SUCLG2: variants seen among roughly 807,000 people sequenced by gnomAD.
SUCLG2 encodes the protein succinate-CoA ligase GDP-forming subunit beta.
SUCLG2 carries 42 observed loss-of-function variants against 47.9 expected under a neutral mutation model. The observed-to-expected ratio is 0.88, with a 90% CI of 0.69 to 1.14. The LOEUF (loss-of-function observed/expected upper bound fraction) is 1.14, where lower values mean the gene tolerates loss of function less well. Ranked by LOEUF, SUCLG2 falls within the 50% of genes most tolerant of loss-of-function variation. SUCLG2 has a pLI of 0.00. For missense variants in SUCLG2, 571 were observed against 525.9 expected (o/e 1.09, Z -0.84); for synonymous variants, 195 against 197.3 (o/e 0.99, Z 0.10).
At chr3:67,432,899 A>G (rs971383452) in intron 9 of SUCLG2, among the ~76,000 whole-genome samples, 1 of 152,242 alleles carries the variant, frequency 6.6e-6, no homozygotes, top group Non-Finnish European at 1.5e-5. Flanking sequence ...CACCACAGTC[A>G]GAATTTTAAA....
intron 9 of SUCLG2, among the ~76,000 whole-genome samples, chr3:67,492,236 T>C (rs1559545932): frequency 6.6e-6 from 1 of 152,098 alleles, no homozygotes; most frequent in Non-Finnish European, 1.5e-5. Context: ...GCCAACAGAG[T>C]TGGGGTCATG....
Position 67,560,293 on chromosome 3 carries a change from C to T in SUCLG2, c.227-31107G>A, listed in dbSNP as rs540510564. 1.5e-4 allele frequency among the ~76,000 whole-genome samples: 23 copies of T among 152,284 alleles called. No homozygotes were observed. The South Asian group carries it at 4.8e-3, about 32-fold the overall frequency. ...AAAATGAGAAATTTGGGAGACTCTG[C>T]TTCACAGCCTCAGAAGGGCCAACCC... On this transcript the variant is annotated intron_variant, in intron 2 of 10. Coordinates refer to ENST00000307227, the MANE Select transcript of SUCLG2 (RefSeq NM_003848.4).
chr3:67,460,055 G>A (rs116774165), intron 9 of SUCLG2, among the ~76,000 whole-genome samples: 157 of 152,294 alleles, frequency 1.0e-3, no homozygotes, highest in Non-Finnish European at 1.9e-3. Context: ...CAGCTGAAAG[G>A]GAGGTGGAAC....
intron 10 of SUCLG2, among the ~76,000 whole-genome samples, chr3:67,392,004 G>A (rs1422363716): frequency 2.6e-5 from 4 of 152,126 alleles, no homozygotes; most frequent in Non-Finnish European, 5.9e-5. Context: ...TCTTGGAGGA[G>A]GGTCTGATGT....
chr3:67,381,406 T>C (rs1182098401), intron 10 of SUCLG2, among the ~76,000 whole-genome samples: 1 of 152,098 alleles, frequency 6.6e-6, no homozygotes. Context: ...TCCCCAACCC[T>C]CTCCCTGCCT....
chr3:67,480,784 G>A (rs781700492), intron 9 of SUCLG2, among the ~76,000 whole-genome samples: 3 of 152,214 alleles, frequency 2.0e-5, no homozygotes, highest in Non-Finnish European at 4.4e-5. Flanking sequence ...GGCCTGGCCT[G>A]GGCGAAAGCT....
chr3:67,622,941 G>A (rs1333551904), intron 1 of SUCLG2, among the ~76,000 whole-genome samples: 3 of 152,172 alleles, frequency 2.0e-5, no homozygotes, highest in Admixed American at 6.5e-5. Flanking sequence ...GGAAGAAGGC[G>A]AGGATATTTG....
chr3:67,380,207 G>A (rs556337870), intron 10 of SUCLG2, among the ~76,000 whole-genome samples: 3 of 150,810 alleles, frequency 2.0e-5, no homozygotes, highest in Admixed American at 1.3e-4. Context: ...TTACCTAGGG[G>A]TTTTGGGAGT....
Position 67,400,331 on chromosome 3 carries a change from AATTT to A in SUCLG2, c.1183+396_1183+399del, listed in dbSNP as rs369505826. 3.5e-3 allele frequency among the ~76,000 whole-genome samples: 540 copies of A among 152,228 alleles called. 5 individuals are homozygous for A. Among genetic ancestry groups the A allele is most frequent in the African/African-American group, 0.012 (486 of 41,548 alleles). On this transcript the variant is annotated intron_variant, in intron 10 of 10. Transcript: ENST00000307227. Reference sequence around the variant, plus strand: ...TCCAAGTAATTTCAGTTATCAAATTAATTTATCAATTAAATCAATTAATAAACAT... The same window carrying A: ...TCCAAGTAATTTCAGTTATCAAATTAATCAATTAAATCAATTAATAAACAT...
intron 10 of SUCLG2, among the ~76,000 whole-genome samples, chr3:67,396,264 T>C (rs1345000198): frequency 6.6e-6 from 1 of 152,018 alleles, no homozygotes; most frequent in East Asian, 1.9e-4. Context: ...ACAAAATTGA[T>C]AGACTGCTAG....
At chr3:67,603,766 T>C (rs1355905492) in intron 2 of SUCLG2, among the ~76,000 whole-genome samples, 2 of 152,226 alleles carry the variant, frequency 1.3e-5, no homozygotes, top group African/African-American at 4.8e-5. Context: ...TATATACAAA[T>C]ACTTTTTTAA....
intron 10 of SUCLG2, among the ~76,000 whole-genome samples, chr3:67,378,318 A>T (rs1411266269): frequency 3.3e-5 from 5 of 152,176 alleles, no homozygotes; most frequent in Middle Eastern, 3.2e-3. Flanking sequence ...GTCACTTCTG[A>T]GACTAGGTTA....
rs190345595 is a variant in SUCLG2, at chr3:67,618,683, G to A, written c.85-9087C>T. 3.8e-3 allele frequency among the ~76,000 whole-genome samples: 577 copies of A among 152,078 alleles called. 5 individuals are homozygous for A. The highest frequency in any genetic ancestry group is 0.013 in the African/African-American group (545 of 41,484). ...TCCTGTGTCAATTAAAAACTACTTGGAACCACCACAGACAAAAACTATACT... is the reference window on the plus strand; with the variant it reads ...TCCTGTGTCAATTAAAAACTACTTGAAACCACCACAGACAAAAACTATACT... On this transcript the variant is annotated intron_variant, in intron 1 of 10. Coordinates refer to ENST00000307227, the MANE Select transcript of SUCLG2 (RefSeq NM_003848.4).
At chr3:67,644,532 G>A (rs1214252886) in intron 1 of SUCLG2, among the ~76,000 whole-genome samples, 1 of 151,984 alleles carries the variant, frequency 6.6e-6, no homozygotes, top group African/African-American at 2.4e-5. Flanking sequence ...AGTAGGGGAG[G>A]ATGAATAAGT....
intron 9 of SUCLG2, among the ~76,000 whole-genome samples, chr3:67,446,560 G>A (rs1293038599): frequency 6.7e-6 from 1 of 150,292 alleles, no homozygotes. Context: ...CTCCCGAGTA[G>A]CTGGGACTAC....
chr3:67,366,067 A>G (rs1476369576), intron 10 of SUCLG2, among the ~76,000 whole-genome samples: 1 of 152,214 alleles, frequency 6.6e-6, no homozygotes, highest in Admixed American at 6.5e-5. Context: ...CTGCCCCTAA[A>G]GACATAAAAT....
intron 6 of SUCLG2, among the ~76,000 whole-genome samples, chr3:67,509,519 C>G (rs1289416043): frequency 1.3e-5 from 2 of 152,208 alleles, no homozygotes; most frequent in African/African-American, 4.8e-5. Context: ...GCCCTGACTT[C>G]ATTTTTCTCA....
intron 9 of SUCLG2, among the ~76,000 whole-genome samples, chr3:67,422,442 T>A (rs1383466624): frequency 9.3e-6 from 1 of 108,002 alleles, no homozygotes; most frequent in Non-Finnish European, 1.7e-5. Context: ...GCCACTGCAC[T>A]CCGGCCTGGT....
intron 9 of SUCLG2, among the ~76,000 whole-genome samples, chr3:67,492,681 G>T (rs1272952068): frequency 6.6e-6 from 1 of 152,130 alleles, no homozygotes; most frequent in East Asian, 1.9e-4. Context: ...TACTTTATAT[G>T]AATTCAGTTC....
Sources: gnomAD v4.1 joint callset for allele counts (sites outside exome capture counted in the v4.1 genomes callset) on GRCh38, gnomAD v4.1.1 for gene constraint, MANE v1.5 for transcripts, NCBI Gene and HGNC (gene_info 2026-07-23, HGNC 2026-07-21) for gene names.